CSMD2: variants seen among roughly 807,000 people sequenced by gnomAD.
CSMD2 encodes CUB and Sushi multiple domains 2.
Under a neutral mutation model 398.5 loss-of-function variants are expected in CSMD2, and 130 were observed. The observed-to-expected ratio is 0.33, with a 90% CI of 0.28 to 0.38. CSMD2 has a LOEUF of 0.38. Among genes scored for constraint, CSMD2 ranks in the 10% least tolerant of loss-of-function variants. The probability of loss-of-function intolerance (pLI) is 1.00; values close to 1 mark genes in which losing one functional copy is unlikely to be tolerated. For synonymous variants in CSMD2, 1,828 were observed against 1,908.5 expected (o/e 0.96, Z 1.10); for missense variants, 3,829 against 4,764.9 (o/e 0.80, Z 5.78).
intron 48 of CSMD2, among the ~76,000 whole-genome samples, chr1:33,577,754 G>T (rs1638391629): frequency 6.6e-6 from 1 of 152,206 alleles, no homozygotes; most frequent in Admixed American, 6.5e-5. Flanking sequence ...TCCAAAGGTA[G>T]ATCTGGTGTA....
intron 13 of CSMD2, among the ~76,000 whole-genome samples, chr1:33,755,111 G>T (rs1417969765): frequency 1.3e-5 from 2 of 151,984 alleles, no homozygotes; most frequent in Non-Finnish European, 2.9e-5. Context: ...ATCCAGCAAT[G>T]CTCACCCAAG....
chr1:34,015,549 A>AT (rs1647965909), intron 3 of CSMD2, among the ~76,000 whole-genome samples: 1 of 152,128 alleles, frequency 6.6e-6, no homozygotes, highest in African/African-American at 2.4e-5. Context: ...TAAAGCACCC[A>AT]TCCCTTCCCA....
intron 5 of CSMD2, among the ~76,000 whole-genome samples, chr1:33,912,418 C>T (rs535216082): frequency 2.7e-5 from 4 of 147,562 alleles, no homozygotes; most frequent in Non-Finnish European, 3.0e-5. Flanking sequence ...TACACCCCCC[C>T]ACACACACTC....
chr1:34,122,897 C>T (rs1662337788), intron 1 of CSMD2, among the ~76,000 whole-genome samples: 1 of 152,202 alleles, frequency 6.6e-6, no homozygotes, highest in Admixed American at 6.5e-5. Flanking sequence ...GCAAGACACC[C>T]TGTCATATAT....
At chr1:33,837,137 G>A (rs1318244275) in intron 6 of CSMD2, among the ~76,000 whole-genome samples, 3 of 152,128 alleles carry the variant, frequency 2.0e-5, no homozygotes, top group Non-Finnish European at 4.4e-5. Flanking sequence ...GCTCAGGTGG[G>A]TGGGGTGATG....
chr1:33,626,997 T>A (rs763889305), intron 32 of CSMD2, among the ~76,000 whole-genome samples: 1 of 152,096 alleles, frequency 6.6e-6, no homozygotes, highest in Non-Finnish European at 1.5e-5. Context: ...CAATCTGAGT[T>A]TTTAAAAATA....
chr1:33,535,834 C>T (rs925002116), intron 62 of CSMD2, among the ~76,000 whole-genome samples: 2 of 152,168 alleles, frequency 1.3e-5, no homozygotes, highest in Non-Finnish European at 2.9e-5. Context: ...CAGGGCTAGC[C>T]CTTCTCATCA....
intron 3 of CSMD2, among the ~76,000 whole-genome samples, chr1:34,015,259 C>T (rs747200089): frequency 6.6e-6 from 1 of 152,210 alleles, no homozygotes; most frequent in African/African-American, 2.4e-5. Flanking sequence ...CTGGGCATGG[C>T]TGTATGTGAG....
intron 44 of CSMD2, chr1:33,592,430 G>C: frequency 1.4e-6 from 1 of 716,364 alleles, no homozygotes; most frequent in Non-Finnish European, 2.6e-6. Context: ...AGCTTCTGTG[G>C]CTGGGGGGCA....
At chr1:33,847,021 C>T in intron 5 of CSMD2, 25 bp from the exon 6 acceptor site, 1 of 1,532,692 alleles carries the variant, frequency 6.5e-7, no homozygotes, top group East Asian at 2.3e-5. Context: ...AGCAGATGGG[C>T]TCAGGGACCA....
intron 3 of CSMD2, among the ~76,000 whole-genome samples, chr1:33,937,968 C>G (rs148837023): frequency 2.6e-5 from 4 of 152,352 alleles, no homozygotes; most frequent in Admixed American, 2.6e-4. Flanking sequence ...GTGCCTGGCA[C>G]TTGTAGGGAC....
In CSMD2 at chr1:33,652,375, C is replaced by T. The variant is rs757670632; in HGVS notation, c.4534G>A (p.Asp1512Asn). The T allele has an allele frequency of 9.9e-6, 16 of 1,614,058 alleles. No homozygotes were observed. Among genetic ancestry groups the T allele is most frequent in the Non-Finnish European group, 5.9e-6 (7 of 1,180,038 alleles). Residue 1512 changes from aspartate (D) to asparagine (N), a missense_variant, in exon 28 of 71, where the codon GAC becomes AAC. By Grantham distance (23) the Asp-to-Asn change is conservative. Transcript: ENST00000373381. ...TCTGGTGAGACGGTCACTTTCCAGT[C>T]ACACTCCTTGCCTGGCGGGTAGGGT... ...PEPYPPGKEC[D>N]WKVTVSPDYV...
At chr1:33,763,650 T>TC (rs1273328922) in intron 13 of CSMD2, among the ~76,000 whole-genome samples, 1 of 152,182 alleles carries the variant, frequency 6.6e-6, no homozygotes, top group Non-Finnish European at 1.5e-5. Context: ...TCGTGAGCCA[T>TC]CCCTTCAGTC....
intron 3 of CSMD2, among the ~76,000 whole-genome samples, chr1:33,952,118 C>G (rs1390588492): frequency 6.6e-6 from 1 of 152,174 alleles, no homozygotes; most frequent in Non-Finnish European, 1.5e-5. Context: ...CAGTTAAGGG[C>G]TGAGTCCTAG....
chr1:33,657,856 G>C, intron 27 of CSMD2, 90 bp downstream of exon 27: 1 of 1,295,044 alleles, frequency 7.7e-7, no homozygotes, highest in East Asian at 2.3e-5. Flanking sequence ...CTTGGCCCCA[G>C]GCCCAAGATG....
chr1:33,864,723 T>G, intron 5 of CSMD2: 1 of 1,611,912 alleles, frequency 6.2e-7, no homozygotes, highest in South Asian at 1.1e-5. Context: ...TAGAAACCGG[T>G]GCAGAGGGAA....
At position 33,788,798 on chromosome 1, in the gene CSMD2, T is replaced by C. The variant is rs1653866489; in HGVS notation, c.1551-86A>G. On this transcript the variant is annotated intron_variant, in intron 11 of 70. Transcript: ENST00000373381. ...GCCTGACCGATGACATTTAAAGGAC[T>C]ATCCAGGATCCAGGCCCGCTCGGGC... is the stretch of plus-strand genomic sequence containing the variant. 11 of 942,460 alleles carry C rather than the reference T, an allele frequency of 1.2e-5. No individual in the cohort carries two copies. In the South Asian group the frequency reaches 1.2e-4, roughly 11 times the overall value. 58.4% of individuals were successfully genotyped at this position (942,460 alleles called of 1,614,324 possible). A position where few individuals can be genotyped will look rare whatever the true frequency, so the allele number is the denominator to read the frequency against.
At chr1:33,998,050 T>C (rs1646782756) in intron 3 of CSMD2, among the ~76,000 whole-genome samples, 1 of 152,076 alleles carries the variant, frequency 6.6e-6, no homozygotes, top group Non-Finnish European at 1.5e-5. Flanking sequence ...TATTGAGAGG[T>C]GTGGCCTTCA....
intron 3 of CSMD2, among the ~76,000 whole-genome samples, chr1:33,961,644 C>G (rs1645363527): frequency 6.6e-6 from 1 of 152,150 alleles, no homozygotes; most frequent in Admixed American, 6.5e-5. Context: ...GGGGGTGGAT[C>G]TCTCATGAAG....
Sources: allele counts gnomAD v4.1 joint callset (sites outside exome capture counted in the v4.1 genomes callset), GRCh38; gene constraint gnomAD v4.1.1; transcripts MANE v1.5; gene names NCBI Gene and HGNC (gene_info 2026-07-23, HGNC 2026-07-21).